The following SPAG9 variants were observed in gnomAD, a reference collection of about 807,000 sequenced individuals.
SPAG9 encodes sperm associated antigen 9.
In SPAG9, 35 loss-of-function variants were observed where a neutral mutation model predicts 166.5. That is an observed-to-expected ratio of 0.21 (90% CI 0.16 to 0.28). The LOEUF (loss-of-function observed/expected upper bound fraction) is 0.28. Ranked by LOEUF, SPAG9 falls within the 10% of genes least tolerant of loss-of-function variation. The probability of loss-of-function intolerance (pLI) is 1.00; values close to 1 mark genes in which losing one functional copy is unlikely to be tolerated. For synonymous variants in SPAG9, 534 were observed against 565.5 expected (o/e 0.94, Z 0.79); for missense variants, 1,235 against 1,603.3 (o/e 0.77, Z 3.92).
intron 5 of SPAG9, among the ~76,000 whole-genome samples, chr17:51,039,189 G>C (rs2046735123): frequency 6.6e-6 from 1 of 152,070 alleles, no homozygotes; most frequent in Non-Finnish European, 1.5e-5. Context: ...TTTTCATAAT[G>C]AAGTCAAAAC....
intron 1 of SPAG9, among the ~76,000 whole-genome samples, chr17:51,117,341 C>G (rs775707114): frequency 1.3e-5 from 2 of 152,140 alleles, no homozygotes; most frequent in Non-Finnish European, 2.9e-5. Flanking sequence ...TGGATAATTT[C>G]CATGCTTTCA....
Position 51,026,666 on chromosome 17 carries a change from T to G in SPAG9, c.783+5015A>C, listed in dbSNP as rs1002849621. ...ATTTTAGGGGTTGAGCCCTTTTCTTTTTCTTTTCTTTTTTTTTTTTTTTTT... is the reference window on the plus strand; with the variant it reads ...ATTTTAGGGGTTGAGCCCTTTTCTTGTTCTTTTCTTTTTTTTTTTTTTTTT... On this transcript the variant is annotated intron_variant, in intron 6 of 29. Transcript: ENST00000262013. 5.7e-5 allele frequency among the ~76,000 whole-genome samples: 8 copies of G among 141,430 alleles called. No homozygotes were observed. In the Admixed American group the frequency reaches 6.0e-4, roughly 11 times the overall value. The allele number at this position is 141,430 out of a possible 152,430, so 92.8% of individuals were successfully genotyped here.
Position 51,067,441 on chromosome 17 carries a change from G to A in SPAG9, c.425-10959C>T, listed in dbSNP as rs184508248. 5.0e-3 allele frequency among the ~76,000 whole-genome samples: 765 copies of A among 152,260 alleles called. 3 individuals are homozygous for A. Among genetic ancestry groups the A allele is most frequent in the Admixed American group, 0.013 (198 of 15,282 alleles). Reference sequence around the variant, plus strand: ...CCTGGCAAGGACTATAGACATCCTCGAAAGCCTCAAGTACCATGAAGTTAA... The same window carrying A: ...CCTGGCAAGGACTATAGACATCCTCAAAAGCCTCAAGTACCATGAAGTTAA... On this transcript the variant is annotated intron_variant, in intron 2 of 29. Transcript: ENST00000262013.
intron 1 of SPAG9, among the ~76,000 whole-genome samples, chr17:51,088,470 A>C (rs2048358261): frequency 6.6e-6 from 1 of 152,170 alleles, no homozygotes; most frequent in Admixed American, 6.6e-5. Flanking sequence ...TAATGAAAGC[A>C]GAGAGGAAGA....
chr17:50,993,826 C>A lies in SPAG9; in HGVS notation c.2336G>T (p.Gly779Val). The change falls in exon 19 of 30, where the codon GGC becomes GTC. Residue 779 changes from glycine to valine, a missense_variant. Physicochemically the swap from Gly to Val is moderately radical, Grantham distance 109. Coordinates refer to ENST00000262013, the MANE Select transcript of SPAG9 (RefSeq NM_001130528.3). ...KVLIIDAVQPGNILDSFTVCN... is the reference protein window; with the variant it reads ...KVLIIDAVQPVNILDSFTVCN... ...AACAGTGAAACTGTCTAGGATGTTG[C>A]CAGGTTGAACAGCATCAATAATAAG... 6 of 1,614,082 alleles carry A rather than the reference C, an allele frequency of 3.7e-6. No homozygotes were observed. Among genetic ancestry groups the A allele is most frequent in the Non-Finnish European group, 5.1e-6 (6 of 1,179,990 alleles).
At chr17:51,086,713 G>A (rs2048317024) in intron 1 of SPAG9, among the ~76,000 whole-genome samples, 1 of 152,116 alleles carries the variant, frequency 6.6e-6, no homozygotes, top group Non-Finnish European at 1.5e-5. Flanking sequence ...TGGGTGGTCA[G>A]GAGTTCAAGA....
intron 2 of SPAG9, among the ~76,000 whole-genome samples, chr17:51,078,879 A>G (rs538288019): frequency 1.3e-5 from 2 of 152,302 alleles, no homozygotes; most frequent in East Asian, 3.9e-4. Context: ...CATACTTCAA[A>G]GCTGTAAGTT....
At chr17:51,021,952 G>A (rs569396469) in intron 6 of SPAG9, among the ~76,000 whole-genome samples, 38 of 151,784 alleles carry the variant, frequency 2.5e-4, no homozygotes, top group Non-Finnish European at 4.4e-4. Flanking sequence ...GTGAAACCCC[G>A]TCTCTACTAA....
At chr17:50,988,135 G>C (rs2143796372) in intron 21 of SPAG9, among the ~76,000 whole-genome samples, 1 of 152,292 alleles carries the variant, frequency 6.6e-6, no homozygotes, top group African/African-American at 2.4e-5. Context: ...AGAATCGCTT[G>C]AACCTGGAAG....
At chr17:51,103,468 A>T (rs2144745419) in intron 1 of SPAG9, among the ~76,000 whole-genome samples, 1 of 152,338 alleles carries the variant, frequency 6.6e-6, no homozygotes, top group East Asian at 1.9e-4. Context: ...AGTGCCAAGC[A>T]AAGGGACAGC....
intron 22 of SPAG9, 84 bp downstream of exon 22, chr17:50,987,028 T>C: frequency 1.5e-6 from 2 of 1,345,286 alleles, no homozygotes; most frequent in Non-Finnish European, 2.0e-6. Flanking sequence ...CTTTTTGTAT[T>C]TGTTTACCAT....
At chr17:50,997,163 G>A (rs1216322834) in intron 15 of SPAG9, among the ~76,000 whole-genome samples, 2 of 151,448 alleles carry the variant, frequency 1.3e-5, no homozygotes, top group Admixed American at 6.6e-5. Flanking sequence ...AACAAACAAA[G>A]TGTTATACTA....
chr17:51,009,501 T>G (rs2045373197), intron 9 of SPAG9, among the ~76,000 whole-genome samples: 1 of 152,184 alleles, frequency 6.6e-6, no homozygotes, highest in African/African-American at 2.4e-5. Context: ...TATATTATCC[T>G]ACTTGGCTTG....
chr17:50,994,963 C>T, intron 18 of SPAG9, 94 bp downstream of exon 18: 1 of 843,658 alleles, frequency 1.2e-6, no homozygotes, highest in Non-Finnish European at 1.9e-6. Context: ...GCATAGTAAT[C>T]CCAATTAGAA....
chr17:51,076,752 GAA>G (rs1468253512), intron 2 of SPAG9, among the ~76,000 whole-genome samples: 2 of 151,324 alleles, frequency 1.3e-5, no homozygotes, highest in Non-Finnish European at 3.0e-5. Context: ...AAAAAAGACA[GAA>G]AGAAAACTTT....
At chr17:51,101,712 C>A (rs899110427) in intron 1 of SPAG9, among the ~76,000 whole-genome samples, 3 of 152,116 alleles carry the variant, frequency 2.0e-5, no homozygotes, top group Middle Eastern at 3.2e-3. Flanking sequence ...CAATCTCCAC[C>A]TCCCAGGTTC....
At chr17:50,987,571 T>A (rs1212332443) in intron 21 of SPAG9, among the ~76,000 whole-genome samples, 2 of 148,988 alleles carry the variant, frequency 1.3e-5, no homozygotes, top group African/African-American at 4.9e-5. Flanking sequence ...AGTCAAAAGC[T>A]TACATCACAT....
At chr17:51,032,973 G>A (rs2144310070) in intron 5 of SPAG9, among the ~76,000 whole-genome samples, 1 of 150,586 alleles carries the variant, frequency 6.6e-6, no homozygotes, top group East Asian at 1.9e-4. Flanking sequence ...AGATTAACAA[G>A]GCATGATTCA....
intron 2 of SPAG9, among the ~76,000 whole-genome samples, chr17:51,067,842 C>T (rs985350337): frequency 1.3e-5 from 2 of 152,168 alleles, no homozygotes; most frequent in African/African-American, 4.8e-5. Flanking sequence ...TCATTTTGAG[C>T]GCTCTTTCTA....
Sources: gnomAD v4.1 joint callset for allele counts (sites outside exome capture counted in the v4.1 genomes callset) on GRCh38, gnomAD v4.1.1 for gene constraint, MANE v1.5 for transcripts, NCBI Gene and HGNC (gene_info 2026-07-23, HGNC 2026-07-21) for gene names.